Variants in GMDS observed in about 807,000 individuals in gnomAD.
GMDS encodes GDP-mannose 4,6-dehydratase.
GMDS carries 20 observed loss-of-function variants against 49.9 expected under a neutral mutation model. The observed-to-expected ratio is 0.40, with a 90% CI of 0.28 to 0.58. The LOEUF (loss-of-function observed/expected upper bound fraction) is 0.58, where lower values mean the gene tolerates loss of function less well. Among genes scored for constraint, GMDS ranks in the 20% least tolerant of loss-of-function variants. The probability of loss-of-function intolerance (pLI) is 0.42; values close to 1 mark genes in which losing one functional copy is unlikely to be tolerated. For synonymous variants in GMDS, 177 were observed against 178.6 expected, an observed-to-expected ratio of 0.99 and a Z score of 0.07; for missense variants, 362 against 481.4, an observed-to-expected ratio of 0.75 and a Z score of 2.32.
chr6:1,868,282 G>A (rs1457299877), intron 7 of GMDS, among the ~76,000 whole-genome samples: 1 of 152,098 alleles, frequency 6.6e-6, no homozygotes, highest in Non-Finnish European at 1.5e-5. Context: ...ACCGCACCCG[G>A]CCCTCAACAG....
intron 9 of GMDS, among the ~76,000 whole-genome samples, chr6:1,626,480 G>C (rs568672273): frequency 6.6e-6 from 1 of 152,132 alleles, no homozygotes; most frequent in East Asian, 1.9e-4. Context: ...AAATAAACTT[G>C]TATATATTTC....
intron 1 of GMDS, among the ~76,000 whole-genome samples, chr6:2,171,069 A>C (rs565620930): frequency 1.3e-5 from 2 of 152,330 alleles, no homozygotes; most frequent in African/African-American, 4.8e-5. Context: ...AATATCTGTC[A>C]ATCCAAATCA....
chr6:1,739,989 G>A (rs1028523568), intron 8 of GMDS, among the ~76,000 whole-genome samples: 8 of 151,984 alleles, frequency 5.3e-5, no homozygotes, highest in African/African-American at 1.2e-4. Context: ...TAATTCATGC[G>A]TATCATCCTT....
At chr6:2,245,215 C>T in intron 1 of GMDS, 106 bp downstream of exon 1, 1 of 784,926 alleles carries the variant, frequency 1.3e-6, no homozygotes. Context: ...TCCGGGACGC[C>T]GAGAGGGCTG....
In GMDS at chr6:1,689,529, G is replaced by A. The variant is rs566911103; in HGVS notation, c.987+36887C>T. Among the ~76,000 whole-genome samples the A allele has an allele frequency of 7.2e-5, 11 of 152,278 alleles. No homozygotes were observed. In the East Asian group the frequency reaches 1.3e-3, roughly 19 times the overall value. On this transcript the variant is annotated intron_variant, in intron 9 of 10. Transcript: ENST00000380815. ...CCACCTCTTTGAATCAGATACATTT[G>A]TATCTTCTGGTATAAGACAATGGAT...
intron 7 of GMDS, among the ~76,000 whole-genome samples, chr6:1,914,094 G>C (rs1242177724): frequency 4.8e-5 from 7 of 145,482 alleles, no homozygotes; most frequent in Non-Finnish European, 9.0e-5. Flanking sequence ...GTGTTACATA[G>C]AACGTGTGTC....
intron 4 of GMDS, among the ~76,000 whole-genome samples, chr6:2,098,205 CCCA>C (rs1354432904): frequency 1.3e-5 from 2 of 152,040 alleles, no homozygotes; most frequent in African/African-American, 4.8e-5. Context: ...ATTACAGGTG[CCCA>C]CCACCACACC....
At chr6:1,907,910 C>T (rs1760856756) in intron 7 of GMDS, among the ~76,000 whole-genome samples, 1 of 152,206 alleles carries the variant, frequency 6.6e-6, no homozygotes, top group African/African-American at 2.4e-5. Context: ...AAACCGTACA[C>T]ACACGATGTT....
At chr6:1,770,520 T>C (rs902403115) in intron 7 of GMDS, among the ~76,000 whole-genome samples, 6 of 152,236 alleles carry the variant, frequency 3.9e-5, no homozygotes, top group African/African-American at 1.4e-4. Flanking sequence ...GGGATGGCCG[T>C]TTCCTCCTTG....
intron 1 of GMDS, among the ~76,000 whole-genome samples, chr6:2,228,827 C>A (rs1160533053): frequency 2.0e-5 from 3 of 152,182 alleles, no homozygotes; most frequent in African/African-American, 7.2e-5. Flanking sequence ...CCGTTGACAG[C>A]TTCAACAAGT....
intron 9 of GMDS, among the ~76,000 whole-genome samples, chr6:1,657,853 C>CAAAAAAAAAAAAA (rs757277370): frequency 9.5e-5 from 6 of 63,346 alleles, no homozygotes; most frequent in Non-Finnish European, 1.5e-4. Context: ...AGAACTCAAG[C>CAAAAAAAAAAAAA]AAAAAAAAAA....
intron 4 of GMDS, among the ~76,000 whole-genome samples, chr6:1,962,871 T>C (rs1399176077): frequency 6.6e-6 from 1 of 151,394 alleles, no homozygotes; most frequent in East Asian, 1.9e-4. Flanking sequence ...TCTTTTCTTT[T>C]TTTTCTTTCT....
chr6:1,729,743 G>A (rs938893835), intron 8 of GMDS, among the ~76,000 whole-genome samples: 1 of 152,168 alleles, frequency 6.6e-6, no homozygotes, highest in Non-Finnish European at 1.5e-5. Context: ...TACTACCCAC[G>A]AATTGAGATC....
intron 1 of GMDS, among the ~76,000 whole-genome samples, chr6:2,244,741 TAA>T (rs1474566204): frequency 1.3e-5 from 2 of 152,202 alleles, no homozygotes. Context: ...GGCGTGATTT[TAA>T]AAAGTTTTTT....
intron 7 of GMDS, among the ~76,000 whole-genome samples, chr6:1,914,120 G>GTT (rs1198007340): frequency 7.3e-5 from 8 of 110,296 alleles, no homozygotes; most frequent in African/African-American, 3.1e-4. Context: ...TCATGAAAGC[G>GTT]TTTTTTGTTT....
chr6:1,916,578 A>C (rs557958919), intron 7 of GMDS, among the ~76,000 whole-genome samples: 93 of 152,182 alleles, frequency 6.1e-4, no homozygotes, highest in African/African-American at 2.1e-3. Context: ...AGAAAGAGAG[A>C]GAGCCAATCG....
chr6:2,172,973 G>A (rs571037884), intron 1 of GMDS, among the ~76,000 whole-genome samples: 2 of 152,098 alleles, frequency 1.3e-5, no homozygotes, highest in South Asian at 2.1e-4. Context: ...AAGAAAATTT[G>A]AAAATTTCAA....
chr6:1,642,153 CTTTTTTTT>C (rs543577735), intron 9 of GMDS, among the ~76,000 whole-genome samples: 5 of 110,774 alleles, frequency 4.5e-5, no homozygotes, highest in East Asian at 3.0e-4. Flanking sequence ...CAGTTTCCAT[CTTTTTTTT>C]TTTTTTTTTT....
intron 9 of GMDS, among the ~76,000 whole-genome samples, chr6:1,637,465 C>G (rs980562227): frequency 6.6e-6 from 1 of 152,268 alleles, no homozygotes; most frequent in Non-Finnish European, 1.5e-5. Flanking sequence ...TTCCGGGGAG[C>G]TGTCACCTGT....
Sources: allele counts gnomAD v4.1 joint callset (sites outside exome capture counted in the v4.1 genomes callset), GRCh38; gene constraint gnomAD v4.1.1; transcripts MANE v1.5; gene names NCBI Gene and HGNC (gene_info 2026-07-23, HGNC 2026-07-21).